Variants in ZSWIM6 observed in about 807,000 individuals in gnomAD.
The protein encoded by ZSWIM6 is zinc finger SWIM domain-containing protein 6.
Under a neutral mutation model 113.2 loss-of-function variants are expected in ZSWIM6, and 9 were observed. The ratio of observed to expected loss-of-function variants is 0.08; its 90% CI spans 0.05 to 0.14. The LOEUF is 0.14. Among genes scored for constraint, ZSWIM6 ranks in the 10% least tolerant of loss-of-function variants. The probability of loss-of-function intolerance (pLI) is 1.00; values close to 1 mark genes in which losing one functional copy is unlikely to be tolerated. For missense variants in ZSWIM6, 1,162 were observed against 1,552.2 expected (o/e 0.75, Z 4.22); for synonymous variants, 611 against 606.5 (o/e 1.01, Z -0.11).
Position 61,332,260 on chromosome 5 carries a change from A to T in ZSWIM6, c.-13A>T, listed in dbSNP as rs1744262885. Reference sequence around the variant, plus strand: ...CCCGGCACTTCCGCTGTCGGGTTAGAAGCGGCGCGGTCATGGCGGAGCGCG... The same window carrying T: ...CCCGGCACTTCCGCTGTCGGGTTAGTAGCGGCGCGGTCATGGCGGAGCGCG... On this transcript the variant is annotated 5_prime_UTR_variant, in exon 1 of 14. Transcript: ENST00000252744. 8.6e-7 allele frequency: 1 copy of T among 1,164,004 alleles called. No homozygotes were observed. Among genetic ancestry groups the T allele is most frequent in the Non-Finnish European group, 1.1e-6 (1 of 942,264 alleles). The allele number at this position is 1,164,004 out of a possible 1,614,324, so 72.1% of individuals were successfully genotyped here. A position where few individuals can be genotyped will look rare whatever the true frequency, so the allele number is the denominator to read the frequency against.
chr5:61,441,209 G>A (rs908882776), intron 1 of ZSWIM6, among the ~76,000 whole-genome samples: 1 of 152,152 alleles, frequency 6.6e-6, no homozygotes, highest in Non-Finnish European at 1.5e-5. Flanking sequence ...TAGGCAGTGG[G>A]TCAAAGTTCG....
rs139044037 is a variant in ZSWIM6 at position 61,419,232 on chromosome 5, A to G, written c.677-53449A>G. Among the ~76,000 whole-genome samples the G allele has an allele frequency of 1.5e-4, 23 of 152,346 alleles. 1 individual carries two copies. In the East Asian group the frequency reaches 3.5e-3, roughly 23 times the overall value. On this transcript the variant is annotated intron_variant, in intron 1 of 13. Coordinates refer to ENST00000252744, the MANE Select transcript of ZSWIM6 (RefSeq NM_020928.2). ...TTATTTGCCCTTTGTATTTGATACT[A>G]TCAACATGCCTTGGTGTCTTTAGTC...
intron 1 of ZSWIM6, among the ~76,000 whole-genome samples, chr5:61,441,726 G>T (rs2112147541): frequency 6.6e-6 from 1 of 152,210 alleles, no homozygotes; most frequent in East Asian, 1.9e-4. Flanking sequence ...TATGCCCATG[G>T]TTTGAGTATA....
At chr5:61,540,282 A>G (rs541466764) in intron 12 of ZSWIM6, among the ~76,000 whole-genome samples, 2 of 152,300 alleles carry the variant, frequency 1.3e-5, no homozygotes, top group South Asian at 4.1e-4. Context: ...AATACCAAGG[A>G]CATTTTGAGT....
At chr5:61,480,911 G>A (rs186616895) in intron 2 of ZSWIM6, among the ~76,000 whole-genome samples, 3 of 152,234 alleles carry the variant, frequency 2.0e-5, no homozygotes, top group Admixed American at 2.0e-4. Context: ...AAAACTGTAG[G>A]AGATGGCCTT....
chr5:61,505,276 TG>T (rs1457304551), intron 4 of ZSWIM6, among the ~76,000 whole-genome samples: 1 of 152,212 alleles, frequency 6.6e-6, no homozygotes, highest in Non-Finnish European at 1.5e-5. Context: ...TTTGCCTTTT[TG>T]TATCTCAAAA....
At chr5:61,440,922 A>G (rs919202618) in intron 1 of ZSWIM6, among the ~76,000 whole-genome samples, 2 of 152,234 alleles carry the variant, frequency 1.3e-5, no homozygotes, top group Admixed American at 1.3e-4. Context: ...AAGGGCTATA[A>G]TAGCGATCTG....
At chr5:61,441,026 G>A (rs1211765123) in intron 1 of ZSWIM6, among the ~76,000 whole-genome samples, 1 of 152,116 alleles carries the variant, frequency 6.6e-6, no homozygotes, top group Non-Finnish European at 1.5e-5. Flanking sequence ...TCGCTGTGTT[G>A]AGAAACAAAC....
chr5:61,543,345 CATGTCCT>C lies in ZSWIM6; in HGVS notation c.2786-106_2786-100del. The C allele has an allele frequency of 7.7e-7, 1 of 1,299,884 alleles. No homozygotes were observed. Among genetic ancestry groups the C allele is most frequent in the South Asian group, 1.5e-5 (1 of 64,744 alleles). 80.5% of individuals were successfully genotyped at this position (1,299,884 alleles called of 1,614,324 possible). On this transcript the variant is annotated intron_variant, in intron 13 of 13. Coordinates refer to ENST00000252744, the MANE Select transcript of ZSWIM6 (RefSeq NM_020928.2). This position sits in a 1 kb window ranked among gnomAD's most constrained non-coding sequence, Gnocchi z 4.3. ...CTTTACAGGATTTTCTAGCCTAGCT[CATGTCCT>C]ATGATGGTTAACAATGTAAACACTG...
intron 1 of ZSWIM6, among the ~76,000 whole-genome samples, chr5:61,363,726 T>C (rs1375973939): frequency 6.6e-6 from 1 of 152,192 alleles, no homozygotes; most frequent in Non-Finnish European, 1.5e-5. Flanking sequence ...AAAATATGTT[T>C]AAAGGTTATT....
chr5:61,419,058 G>A lies in ZSWIM6; in HGVS notation c.677-53623G>A, dbSNP rs540042749. On this transcript the variant is annotated intron_variant, in intron 1 of 13. Coordinates refer to ENST00000252744, the MANE Select transcript of ZSWIM6 (RefSeq NM_020928.2). ...GCTGGTCTTGAACTCCTGACTTCAG[G>A]TGATCCCCCTGCCTTGGCCTTCCAA... is the stretch of plus-strand genomic sequence containing the variant. Among the ~76,000 whole-genome samples, 3 of 152,266 alleles carry A rather than the reference G, an allele frequency of 2.0e-5. No homozygotes were observed. The East Asian group carries it at 5.8e-4, about 30-fold the overall frequency.
chr5:61,352,803 C>G (rs896486766), intron 1 of ZSWIM6, among the ~76,000 whole-genome samples: 1 of 152,222 alleles, frequency 6.6e-6, no homozygotes, highest in Admixed American at 6.5e-5. Context: ...AAAAACCAAA[C>G]AGTCCTGTTT....
intron 9 of ZSWIM6, among the ~76,000 whole-genome samples, chr5:61,534,399 C>T (rs1187149754): frequency 6.6e-6 from 1 of 152,154 alleles, no homozygotes; most frequent in East Asian, 1.9e-4. Flanking sequence ...ATATTGTGCT[C>T]ATAACCAACC....
chr5:61,514,324 G>T, intron 4 of ZSWIM6, among the ~76,000 whole-genome samples: 1 of 150,582 alleles, frequency 6.6e-6, no homozygotes. Flanking sequence ...ATACTTACTG[G>T]TTCTAGGAGC....
At chr5:61,507,497 C>T (rs544819552) in intron 4 of ZSWIM6, among the ~76,000 whole-genome samples, 1 of 152,298 alleles carries the variant, frequency 6.6e-6, no homozygotes, top group African/African-American at 2.4e-5. Context: ...TCTAACAGAG[C>T]CAATCTCAAG....
intron 4 of ZSWIM6, among the ~76,000 whole-genome samples, chr5:61,519,238 T>C (rs80305682): frequency 0.015 from 2,285 of 152,342 alleles, 67 homozygotes; most frequent in African/African-American, 0.052. Flanking sequence ...ATCTGTCTCA[T>C]GCACATGAAG....
intron 1 of ZSWIM6, among the ~76,000 whole-genome samples, chr5:61,447,347 A>G (rs1202357015): frequency 1.3e-5 from 2 of 152,180 alleles, no homozygotes; most frequent in Non-Finnish European, 2.9e-5. Context: ...CTGAAACACA[A>G]TCCAACTGCT....
At chr5:61,493,099 G>A (rs191733457) in intron 3 of ZSWIM6, among the ~76,000 whole-genome samples, 2 of 152,210 alleles carry the variant, frequency 1.3e-5, no homozygotes, top group Admixed American at 1.3e-4. Flanking sequence ...GGGAAATGTA[G>A]CATAAGAGTA....
At chr5:61,494,847 T>C (rs1178151162) in intron 4 of ZSWIM6, among the ~76,000 whole-genome samples, 1 of 152,142 alleles carries the variant, frequency 6.6e-6, no homozygotes, top group Non-Finnish European at 1.5e-5. Context: ...TGCTATAGAT[T>C]TAAATGAACT....
Sources: gnomAD v4.1 joint callset for allele counts (sites outside exome capture counted in the v4.1 genomes callset) on GRCh38, gnomAD v4.1.1 for gene constraint, Gnocchi (gnomAD v3.1) non-coding constraint, MANE v1.5 for transcripts, NCBI Gene and HGNC (gene_info 2026-07-23, HGNC 2026-07-21) for gene names.